Variants in GRXCR1 observed in about 807,000 individuals in gnomAD.
GRXCR1 encodes glutaredoxin and cysteine rich domain containing 1.
In GRXCR1, 27 loss-of-function variants were observed where a neutral mutation model predicts 27.3. The ratio of observed to expected loss-of-function variants is 0.99; its 90% CI spans 0.73 to 1.37. The LOEUF (loss-of-function observed/expected upper bound fraction) is 1.37. GRXCR1 is among the 40% of genes most tolerant of loss of function. The pLI is 0.00. For missense variants in GRXCR1, 379 were observed against 354.4 expected (o/e 1.07, Z -0.56); for synonymous variants, 122 against 131.1 (o/e 0.93, Z 0.47).
At chr4:43,000,097 A>T (rs964294853) in intron 2 of GRXCR1, among the ~76,000 whole-genome samples, 5 of 152,230 alleles carry the variant, frequency 3.3e-5, no homozygotes, top group African/African-American at 4.8e-5. Flanking sequence ...AAAATCTTGC[A>T]CTATCCTGCT....
intron 1 of GRXCR1, among the ~76,000 whole-genome samples, chr4:42,895,122 C>G (rs1002134222): frequency 6.6e-6 from 1 of 151,968 alleles, no homozygotes; most frequent in Non-Finnish European, 1.5e-5. Flanking sequence ...ACTTTCTTCT[C>G]CCTATGTGTT....
At chr4:42,923,203 A>C (rs1747062720) in intron 1 of GRXCR1, among the ~76,000 whole-genome samples, 1 of 152,092 alleles carries the variant, frequency 6.6e-6, no homozygotes, top group Non-Finnish European at 1.5e-5. Flanking sequence ...CCAGGCTAAC[A>C]ACTGCCTACT....
intron 1 of GRXCR1, among the ~76,000 whole-genome samples, chr4:42,941,702 C>T (rs1445381112): frequency 6.6e-6 from 1 of 151,960 alleles, no homozygotes; most frequent in Non-Finnish European, 1.5e-5. Context: ...CCCTATAACA[C>T]CATGGTGTGG....
At chr4:42,931,574 C>CG (rs1279577650) in intron 1 of GRXCR1, among the ~76,000 whole-genome samples, 3 of 129,498 alleles carry the variant, frequency 2.3e-5, no homozygotes, top group Non-Finnish European at 5.2e-5. Context: ...TGGGTCCTTT[C>CG]AATTTTTTTT....
intron 1 of GRXCR1, among the ~76,000 whole-genome samples, chr4:42,908,016 T>C (rs1184956977): frequency 6.6e-6 from 1 of 152,184 alleles, no homozygotes; most frequent in African/African-American, 2.4e-5. Flanking sequence ...AGTGGCATCC[T>C]GAAGAGTGAT....
chr4:42,940,481 C>T (rs1391839267), intron 1 of GRXCR1, among the ~76,000 whole-genome samples: 1 of 151,970 alleles, frequency 6.6e-6, no homozygotes, highest in East Asian at 1.9e-4. Flanking sequence ...AACTTTCAAC[C>T]TCTTTACATG....
chr4:42,936,425 T>G (rs1747458806), intron 1 of GRXCR1, among the ~76,000 whole-genome samples: 1 of 151,908 alleles, frequency 6.6e-6, no homozygotes, highest in South Asian at 2.1e-4. Flanking sequence ...GCCTTTTGCC[T>G]TTTAAAGAAT....
chr4:43,009,807 A>T (rs1176879035), intron 2 of GRXCR1, among the ~76,000 whole-genome samples: 31 of 152,222 alleles, frequency 2.0e-4, no homozygotes, highest in Admixed American at 2.0e-3. Flanking sequence ...ATTTGAACAT[A>T]TGACTTTTGC....
intron 3 of GRXCR1, among the ~76,000 whole-genome samples, chr4:43,026,431 G>A (rs1328520489): frequency 6.7e-6 from 1 of 148,872 alleles, no homozygotes. Context: ...ATTCCTGGGT[G>A]CTGAGGGGGC....
chr4:43,022,586 A>G (rs557758145), intron 3 of GRXCR1, among the ~76,000 whole-genome samples: 2 of 152,336 alleles, frequency 1.3e-5, no homozygotes, highest in African/African-American at 4.8e-5. Context: ...TGCCATCACT[A>G]TGTTCGGCTG....
In GRXCR1 at chr4:43,018,426, C is replaced by T. The variant is rs148564484; in HGVS notation, c.628-1928C>T. Among the ~76,000 whole-genome samples the T allele has an allele frequency of 2.1e-3, 326 of 152,302 alleles. 2 individuals are homozygous for T. Among genetic ancestry groups the T allele is most frequent in the African/African-American group, 7.7e-3 (322 of 41,564 alleles). Reference sequence around the variant, plus strand: ...TCAGTGACCATTATGCCTTTAAGTACTTTGCTTAACGTAAGCAAAGCCTGC... The same window carrying T: ...TCAGTGACCATTATGCCTTTAAGTATTTTGCTTAACGTAAGCAAAGCCTGC... On this transcript the variant is annotated intron_variant, in intron 2 of 3. Transcript: ENST00000399770.
chr4:42,986,229 T>C (rs1711719593), intron 2 of GRXCR1, among the ~76,000 whole-genome samples: 2 of 152,342 alleles, frequency 1.3e-5, no homozygotes, highest in Admixed American at 1.3e-4. Flanking sequence ...GTGCTTATTT[T>C]CTGGGTTAGA....
At chr4:43,005,171 A>G (rs575098877) in intron 2 of GRXCR1, among the ~76,000 whole-genome samples, 1 of 152,156 alleles carries the variant, frequency 6.6e-6, no homozygotes, top group African/African-American at 2.4e-5. Flanking sequence ...TCCTGACACC[A>G]TGTGAAGAAG....
intron 1 of GRXCR1, among the ~76,000 whole-genome samples, chr4:42,931,059 C>CTT (rs149294479): frequency 4.0e-5 from 6 of 148,428 alleles, no homozygotes; most frequent in East Asian, 2.0e-4. Context: ...CAAAATAAAG[C>CTT]TTTTTTTTTT....
intron 2 of GRXCR1, among the ~76,000 whole-genome samples, chr4:42,989,003 G>C (rs531300972): frequency 6.6e-6 from 1 of 152,118 alleles, no homozygotes; most frequent in African/African-American, 2.4e-5. Flanking sequence ...GTATAAAAGG[G>C]GATCACCCAC....
intron 1 of GRXCR1, among the ~76,000 whole-genome samples, chr4:42,930,138 TC>T: frequency 6.6e-6 from 1 of 152,160 alleles, no homozygotes; most frequent in Middle Eastern, 3.4e-3. Flanking sequence ...TTCTTCGTTC[TC>T]TTAAAATGCA....
intron 1 of GRXCR1, among the ~76,000 whole-genome samples, chr4:42,941,800 A>G (rs1184246001): frequency 6.6e-6 from 1 of 152,082 alleles, no homozygotes; most frequent in Non-Finnish European, 1.5e-5. Flanking sequence ...TATGATACGT[A>G]TCAATGAGTG....
rs78813672 is a variant in GRXCR1 at position 42,903,692 on chromosome 4, C to T, written c.384+10042C>T. ...ATTTTTCTTTTTTCCCCTAAATTTG[C>T]GCTTGCTTCAGCATTTTCCAAGGCC... is the stretch of plus-strand genomic sequence containing the variant. On this transcript the variant is annotated intron_variant, in intron 1 of 3. Coordinates refer to ENST00000399770, the MANE Select transcript of GRXCR1 (RefSeq NM_001080476.3). Among the ~76,000 whole-genome samples, 3 of 147,624 alleles carry T rather than the reference C, an allele frequency of 2.0e-5. 1 individual carries two copies. The highest frequency in any genetic ancestry group is 4.5e-5 in the Non-Finnish European group (3 of 67,388).
chr4:42,999,910 G>A (rs563409786), intron 2 of GRXCR1, among the ~76,000 whole-genome samples: 32 of 152,142 alleles, frequency 2.1e-4, no homozygotes, highest in Non-Finnish European at 4.1e-4. Flanking sequence ...TTAGTTTCTG[G>A]TTAATGTGTC....
Sources: allele counts gnomAD v4.1 joint callset (sites outside exome capture counted in the v4.1 genomes callset), GRCh38; gene constraint gnomAD v4.1.1; transcripts MANE v1.5; gene names NCBI Gene and HGNC (gene_info 2026-07-23, HGNC 2026-07-21).